EML4: variants seen among roughly 807,000 people sequenced by gnomAD.
EML4 encodes the protein EMAP like 4, also known as echinoderm microtubule-associated protein-like 4.
Under a neutral mutation model 129.0 loss-of-function variants are expected in EML4, and 72 were observed. The observed-to-expected ratio is 0.56, with a 90% CI of 0.46 to 0.68. EML4 has a LOEUF of 0.68. EML4 is among the 30% of genes least tolerant of loss of function. EML4 has a pLI of 0.00. For missense variants in EML4, 1,363 were observed against 1,190.6 expected, an observed-to-expected ratio of 1.14 and a Z score of -2.13; for synonymous variants, 532 against 405.0, an observed-to-expected ratio of 1.31 and a Z score of -3.77.
chr2:42,254,390 C>G (rs1432869768), intron 2 of EML4, among the ~76,000 whole-genome samples: 3 of 150,112 alleles, frequency 2.0e-5, no homozygotes, highest in East Asian at 2.0e-4. Flanking sequence ...CCCGGGAGGC[C>G]GTGGCAGCAG....
intron 1 of EML4, among the ~76,000 whole-genome samples, chr2:42,223,918 C>A (rs373064748): frequency 6.6e-6 from 1 of 152,070 alleles, no homozygotes; most frequent in African/African-American, 2.4e-5. Flanking sequence ...ACTAATAATA[C>A]CACTACGGGT....
intron 13 of EML4, among the ~76,000 whole-genome samples, chr2:42,299,290 C>G (rs1214116781): frequency 6.6e-6 from 1 of 152,044 alleles, no homozygotes; most frequent in African/African-American, 2.4e-5. Flanking sequence ...TTTAGGATAC[C>G]AAAGCCTTAG....
intron 1 of EML4, among the ~76,000 whole-genome samples, chr2:42,238,105 G>A (rs1030509013): frequency 6.6e-6 from 1 of 152,148 alleles, no homozygotes; most frequent in Non-Finnish European, 1.5e-5. Context: ...GGACATGTAT[G>A]TAAGATGTAA....
At chr2:42,180,146 T>C (rs1670848088) in intron 1 of EML4, among the ~76,000 whole-genome samples, 1 of 152,188 alleles carries the variant, frequency 6.6e-6, no homozygotes, top group African/African-American at 2.4e-5. Flanking sequence ...CTTCATAGTA[T>C]GGCATTAAAA....
Position 42,282,943 on chromosome 2 carries a change from C to T in EML4, c.912C>T (p.His304=). 1 of 1,613,836 alleles carries T rather than the reference C, an allele frequency of 6.2e-7. No homozygotes were observed. The highest frequency in any genetic ancestry group is 2.2e-5 in the East Asian group (1 of 44,864). The change falls in exon 8 of 23, where the codon CAC becomes CAT. Residue 304 remains histidine (H), a synonymous_variant. Coordinates refer to ENST00000318522, the MANE Select transcript of EML4 (RefSeq NM_019063.5). The stretch of plus-strand genomic sequence containing the variant: ...ATTATGAGGAGAGAACTCAGCGACA[C>T]TACCTGGGCCATACAGACTGTGTGA... The part of the protein sequence containing the change: ...LFNYEERTQR[H]YLGHTDCVKC...
chr2:42,195,956 C>T (rs1048462134), intron 1 of EML4, among the ~76,000 whole-genome samples: 2 of 152,122 alleles, frequency 1.3e-5, no homozygotes, highest in Admixed American at 6.6e-5. Flanking sequence ...TTTTTCATGG[C>T]AGACAAATAT....
chr2:42,223,628 A>G (rs547270793), intron 1 of EML4, among the ~76,000 whole-genome samples: 4 of 152,240 alleles, frequency 2.6e-5, no homozygotes, highest in East Asian at 3.9e-4. Flanking sequence ...CAAGAGTACA[A>G]TGTGAGAAAG....
rs1454248178 is a variant in EML4, at chr2:42,206,855, C to G, written c.25+37219C>G. Among the ~76,000 whole-genome samples the G allele has an allele frequency of 3.9e-5, 6 of 152,290 alleles. No individual in the cohort carries two copies. In the East Asian group the frequency reaches 1.2e-3, roughly 29 times the overall value. Reference sequence around the variant, plus strand: ...ACAGTAATCAAGACAGTCCTGGATTCAAATTCTGACCTTACCATTTGTTGA... The same window carrying G: ...ACAGTAATCAAGACAGTCCTGGATTGAAATTCTGACCTTACCATTTGTTGA... On this transcript the variant is annotated intron_variant, in intron 1 of 22. Coordinates refer to ENST00000318522, the MANE Select transcript of EML4 (RefSeq NM_019063.5).
chr2:42,247,870 A>G (rs536733484), intron 2 of EML4, among the ~76,000 whole-genome samples: 160 of 152,286 alleles, frequency 1.1e-3, no homozygotes, highest in Admixed American at 1.8e-3. Context: ...CAAATTTCCT[A>G]TATATAATAT....
At chr2:42,286,417 A>G in intron 10 of EML4, 38 bp downstream of exon 10, 1 of 1,246,226 alleles carries the variant, frequency 8.0e-7, no homozygotes, top group Non-Finnish European at 1.2e-6. Context: ...CAAGCTGAAC[A>G]AAAAAGCAGG....
In EML4 at chr2:42,225,192, G is replaced by A. The variant is rs2104143505; in HGVS notation, c.26-20313G>A. Among the ~76,000 whole-genome samples the A allele has an allele frequency of 1.3e-5, 2 of 152,226 alleles. 1 individual carries two copies. The highest frequency in any genetic ancestry group is 4.1e-4 in the South Asian group (2 of 4,830). The stretch of plus-strand genomic sequence containing the variant: ...TATGGGTGCTTTCCACCCCTTGGCT[G>A]TTGTTAATAATACTGCTATGAACAT... On this transcript the variant is annotated intron_variant, in intron 1 of 22. Coordinates refer to ENST00000318522, the MANE Select transcript of EML4 (RefSeq NM_019063.5).
intron 1 of EML4, among the ~76,000 whole-genome samples, chr2:42,185,425 C>T (rs973066988): frequency 6.6e-6 from 1 of 152,192 alleles, no homozygotes; most frequent in Non-Finnish European, 1.5e-5. Flanking sequence ...AAATGGCCTG[C>T]AGAGCCTAAA....
chr2:42,302,087 C>G (rs1301303106), intron 14 of EML4, among the ~76,000 whole-genome samples: 1 of 152,084 alleles, frequency 6.6e-6, no homozygotes, highest in East Asian at 1.9e-4. Flanking sequence ...TGTATTAACA[C>G]AGCATTCACT....
In EML4 at chr2:42,284,649, T is replaced by C. The variant is rs781168987; in HGVS notation, c.957T>C (p.Pro319=). Reference sequence around the variant, plus strand: ...TGCTTTTTAGCCTTGCTATACATCCTGACAAAATTAGGATTGCAACTGGAC... The same window carrying C: ...TGCTTTTTAGCCTTGCTATACATCCCGACAAAATTAGGATTGCAACTGGAC... ...TDCVKCLAIH[P]DKIRIATGQI... The change falls in exon 9 of 23, where the codon CCT becomes CCC. Residue 319 remains proline (P), a synonymous_variant. Transcript: ENST00000318522. 1 of 1,612,622 alleles carries C rather than the reference T, an allele frequency of 6.2e-7. No individual in the cohort carries two copies. The highest frequency in any genetic ancestry group is 1.1e-5 in the South Asian group (1 of 90,848).
Position 42,284,674 on chromosome 2 carries a change from C to G in EML4, c.982C>G (p.Gln328Glu). 6.2e-7 allele frequency: 1 copy of G among 1,612,754 alleles called. No homozygotes were observed. Among genetic ancestry groups the G allele is most frequent in the Non-Finnish European group, 8.5e-7 (1 of 1,179,366 alleles). Residue 328 changes from glutamine to glutamate, a missense_variant, in exon 9 of 23, where the codon CAG becomes GAG. Transcript: ENST00000318522. ...HPDKIRIATG[Q>E]IAGVDKDGRP... ...TGACAAAATTAGGATTGCAACTGGA[C>G]AGATAGCTGGCGTGGATAAAGATGG...
chr2:42,186,819 T>C (rs1262069433), intron 1 of EML4, among the ~76,000 whole-genome samples: 1 of 152,148 alleles, frequency 6.6e-6, no homozygotes, highest in Non-Finnish European at 1.5e-5. Flanking sequence ...AGCTGTCCTT[T>C]ACATATAATA....
At chr2:42,300,138 A>G (rs980767149) in intron 13 of EML4, among the ~76,000 whole-genome samples, 7 of 152,238 alleles carry the variant, frequency 4.6e-5, no homozygotes, top group African/African-American at 1.7e-4. Flanking sequence ...TAGAAAATGA[A>G]TAGTTGTTAA....
chr2:42,315,237 A>G (rs771223086), intron 17 of EML4, among the ~76,000 whole-genome samples: 13 of 152,158 alleles, frequency 8.5e-5, no homozygotes, highest in African/African-American at 2.4e-4. Flanking sequence ...TTCTGCTGCT[A>G]TCATTCATTT....
chr2:42,195,609 G>A (rs1326887481), intron 1 of EML4, among the ~76,000 whole-genome samples: 2 of 152,100 alleles, frequency 1.3e-5, no homozygotes, highest in Admixed American at 6.5e-5. Flanking sequence ...CCAATCATTG[G>A]CTTACATTTC....
Sources: gnomAD v4.1 joint callset for allele counts (sites outside exome capture counted in the v4.1 genomes callset) on GRCh38, gnomAD v4.1.1 for gene constraint, MANE v1.5 for transcripts, NCBI Gene and HGNC (gene_info 2026-07-23, HGNC 2026-07-21) for gene names.